DHRSX: variants seen among roughly 807,000 people sequenced by gnomAD.
The protein encoded by DHRSX is dehydrogenase/reductase X-linked.
A neutral mutation model predicts 34.0 loss-of-function variants in DHRSX; 31 were observed. The observed-to-expected ratio is 0.91, with a 90% CI of 0.69 to 1.23. The LOEUF (loss-of-function observed/expected upper bound fraction) is 1.23, where lower values mean the gene tolerates loss of function less well. Among genes scored for constraint, DHRSX ranks in the 50% most tolerant of loss-of-function variants. DHRSX has a pLI of 0.00. For synonymous variants in DHRSX, 201 were observed against 183.8 expected, an observed-to-expected ratio of 1.09 and a Z score of -0.76; for missense variants, 414 against 428.1, an observed-to-expected ratio of 0.97 and a Z score of 0.29.
intron 1 of DHRSX, among the ~76,000 whole-genome samples, chrX:2,432,142 T>C (rs895096192): frequency 3.3e-5 from 5 of 151,764 alleles, no homozygotes; most frequent in Non-Finnish European, 7.4e-5. Flanking sequence ...TGCAGTGAGC[T>C]GAGATCACGC....
intron 3 of DHRSX, among the ~76,000 whole-genome samples, chrX:2,323,215 C>T (rs1189145339): frequency 6.6e-6 from 1 of 152,190 alleles, no homozygotes; most frequent in Non-Finnish European, 1.5e-5. Flanking sequence ...AGAATAAAGA[C>T]TCAGGTAGCC....
chrX:2,474,923 C>T (rs1468308187), intron 1 of DHRSX, among the ~76,000 whole-genome samples: 1 of 150,262 alleles, frequency 6.7e-6, no homozygotes, highest in African/African-American at 2.5e-5. Flanking sequence ...ACACTGAAGA[C>T]GTTCCCTAAA....
At chrX:2,408,614 G>C in intron 3 of DHRSX, 131 bp downstream of exon 3, 2 of 770,108 alleles carry the variant, frequency 2.6e-6, no homozygotes, top group Non-Finnish European at 2.1e-6. Context: ...CAAAAGAAGA[G>C]TGCAAAAATC....
intron 6 of DHRSX, among the ~76,000 whole-genome samples, chrX:2,221,509 T>C (rs1457433909): frequency 6.6e-6 from 1 of 152,200 alleles, no homozygotes; most frequent in African/African-American, 2.4e-5. Context: ...AAATCCCTGA[T>C]GTACGTATTT....
At chrX:2,221,417 C>T (rs1406680596) in intron 6 of DHRSX, among the ~76,000 whole-genome samples, 188 bp from the exon 7 acceptor site, 2 of 152,114 alleles carry the variant, frequency 1.3e-5, no homozygotes, top group African/African-American at 4.8e-5. Context: ...GGTTTCTTTA[C>T]AACAGGCACT....
At chrX:2,371,404 A>AATACCATAGACCCTCCTTCCG (rs1556494393) in intron 3 of DHRSX, among the ~76,000 whole-genome samples, 1 of 142,592 alleles carries the variant, frequency 7.0e-6, no homozygotes, top group Non-Finnish European at 1.5e-5. Flanking sequence ...CCCTTCTCAC[A>AATACCATAGACCCTCCTTCCG]TTACCATAGT....
At chrX:2,460,268 C>T (rs141140146) in intron 1 of DHRSX, among the ~76,000 whole-genome samples, 25,760 of 151,842 alleles carry the variant, frequency 0.17, 2,962 homozygotes, top group African/African-American at 0.33. Flanking sequence ...ATCAGGCTGT[C>T]CCCTAACACA....
At chrX:2,453,496 A>T (rs1159632843) in intron 1 of DHRSX, among the ~76,000 whole-genome samples, 1 of 151,674 alleles carries the variant, frequency 6.6e-6, no homozygotes, top group East Asian at 1.9e-4. Context: ...ACATAGCAAG[A>T]CACCATCTCT....
chrX:2,235,374 C>T (rs1216525426), intron 6 of DHRSX, among the ~76,000 whole-genome samples: 2 of 152,162 alleles, frequency 1.3e-5, no homozygotes, highest in South Asian at 4.1e-4. Context: ...GCCGGGACTT[C>T]ACCGCTGTGC....
At chrX:2,476,047 A>T (rs1284312929) in intron 1 of DHRSX, among the ~76,000 whole-genome samples, 1 of 152,198 alleles carries the variant, frequency 6.6e-6, no homozygotes, top group Non-Finnish European at 1.5e-5. Context: ...GGACAATGCC[A>T]TTTCATCACA....
intron 3 of DHRSX, among the ~76,000 whole-genome samples, chrX:2,368,604 G>C (rs1262006807): frequency 2.0e-5 from 3 of 151,974 alleles, no homozygotes; most frequent in Admixed American, 6.6e-5. Context: ...AATCCCAGCA[G>C]TTTGGGAGGC....
intron 3 of DHRSX, among the ~76,000 whole-genome samples, chrX:2,319,542 CAAAAA>C (rs776261461): frequency 1.9e-5 from 2 of 107,364 alleles, no homozygotes; most frequent in African/African-American, 3.6e-5. Context: ...GACTCCATCT[CAAAAA>C]AAAAAAAAAA....
chrX:2,396,190 T>C (rs1485801551), intron 3 of DHRSX, among the ~76,000 whole-genome samples: 1 of 151,944 alleles, frequency 6.6e-6, no homozygotes, highest in Non-Finnish European at 1.5e-5. Flanking sequence ...ACAGCTATCA[T>C]TGGATTTAAG....
chrX:2,329,808 G>A (rs777884571), intron 3 of DHRSX, among the ~76,000 whole-genome samples: 10 of 152,028 alleles, frequency 6.6e-5, no homozygotes, highest in Non-Finnish European at 8.8e-5. Context: ...TACAACCCAC[G>A]AAGCAAATGC....
At chrX:2,260,810 C>A (rs1381953755) in intron 5 of DHRSX, among the ~76,000 whole-genome samples, 1 of 152,008 alleles carries the variant, frequency 6.6e-6, no homozygotes. Context: ...AAGGGTCTAC[C>A]CTAATCATCT....
At chrX:2,268,089 G>A (rs1019556305) in intron 4 of DHRSX, among the ~76,000 whole-genome samples, 1 of 152,182 alleles carries the variant, frequency 6.6e-6, no homozygotes, top group African/African-American at 2.4e-5. Flanking sequence ...GGGCAGCCCT[G>A]TCGGTCATCA....
chrX:2,320,080 C>T (rs1280171207), intron 3 of DHRSX, among the ~76,000 whole-genome samples: 2 of 152,012 alleles, frequency 1.3e-5, no homozygotes, highest in Admixed American at 6.6e-5. Context: ...CCACCCGCCT[C>T]GGCCTCCCAA....
At chrX:2,470,272 G>C (rs2044568829) in intron 1 of DHRSX, among the ~76,000 whole-genome samples, 1 of 151,526 alleles carries the variant, frequency 6.6e-6, no homozygotes, top group Non-Finnish European at 1.5e-5. Flanking sequence ...TAACATTTCA[G>C]TTGGAGGCCA....
At chrX:2,403,572 G>A (rs1291400205) in intron 3 of DHRSX, among the ~76,000 whole-genome samples, 1 of 152,098 alleles carries the variant, frequency 6.6e-6, no homozygotes, top group Non-Finnish European at 1.5e-5. Context: ...ATTTGTTATT[G>A]TGGTCAGATG....
Sources: gnomAD v4.1 joint callset for allele counts (sites outside exome capture counted in the v4.1 genomes callset) on GRCh38, gnomAD v4.1.1 for gene constraint, MANE v1.5 for transcripts, NCBI Gene and HGNC (gene_info 2026-07-23, HGNC 2026-07-21) for gene names.